RNF144A: variants seen among roughly 807,000 people sequenced by gnomAD.
RNF144A encodes the protein E3 ubiquitin-protein ligase RNF144A.
A neutral mutation model predicts 38.7 loss-of-function variants in RNF144A; 11 were observed. The ratio of observed to expected loss-of-function variants is 0.28; its 90% CI spans 0.18 to 0.47. The LOEUF (loss-of-function observed/expected upper bound fraction) is 0.47. Ranked by LOEUF, RNF144A falls within the 20% of genes least tolerant of loss-of-function variation. The pLI, the probability that RNF144A is intolerant of heterozygous loss-of-function variation, is 0.99. For synonymous variants in RNF144A, 149 were observed against 143.9 expected, an observed-to-expected ratio of 1.04 and a Z score of -0.25; for missense variants, 316 against 377.2, an observed-to-expected ratio of 0.84 and a Z score of 1.34.
Position 7,041,551 on chromosome 2 carries a change from G to C in RNF144A, c.*1791G>C. The C allele has an allele frequency of 1.0e-6, 1 of 986,122 alleles. No individual in the cohort carries two copies. The highest frequency in any genetic ancestry group is 1.2e-6 in the Non-Finnish European group (1 of 829,972). The allele number at this position is 986,122 out of a possible 1,614,324, so 61.1% of individuals were successfully genotyped here. On this transcript the variant is annotated 3_prime_UTR_variant, in exon 9 of 9. Transcript: ENST00000320892. ...GCTGTGGCTCTCTGTCGTTTGTGGTGCTGTGATGGTGTCTACTGTTAGAAT... is the reference window on the plus strand; with the variant it reads ...GCTGTGGCTCTCTGTCGTTTGTGGTCCTGTGATGGTGTCTACTGTTAGAAT...
At chr2:6,998,966 T>C (rs938962049) in intron 3 of RNF144A, among the ~76,000 whole-genome samples, 5 of 152,262 alleles carry the variant, frequency 3.3e-5, no homozygotes, top group African/African-American at 7.2e-5. Flanking sequence ...GCTTGTGTTC[T>C]TACCCTTGAA....
chr2:7,004,734 A>G (rs1174284765), intron 3 of RNF144A, among the ~76,000 whole-genome samples: 1 of 152,084 alleles, frequency 6.6e-6, no homozygotes, highest in Non-Finnish European at 1.5e-5. Flanking sequence ...ATCCTAAACT[A>G]CAGGACTTCG....
Position 7,020,671 on chromosome 2 carries a change from G to T in RNF144A, c.500G>T (p.Gly167Val). 1 of 1,602,786 alleles carries T rather than the reference G, an allele frequency of 6.2e-7. No individual in the cohort carries two copies. ...PETMPITFLP[G>V]ETSAAFKMEE... ...ACCATGCCGATCACCTTCCTCCCCGGGGAGACCAGGTACCCTTTGTACACA... is the reference window on the plus strand; with the variant it reads ...ACCATGCCGATCACCTTCCTCCCCGTGGAGACCAGGTACCCTTTGTACACA... Residue 167 changes from glycine (G) to valine (V), a missense_variant, in exon 6 of 9, where the codon GGG (glycine) becomes GTG (valine). Physicochemically the swap from Gly to Val is moderately radical, Grantham distance 109 (BLOSUM62 -3). Coordinates refer to ENST00000320892, the MANE Select transcript of RNF144A (RefSeq NM_014746.6).
intron 2 of RNF144A, among the ~76,000 whole-genome samples, chr2:6,955,639 T>G (rs988753221): frequency 2.0e-5 from 3 of 152,188 alleles, no homozygotes; most frequent in African/African-American, 7.2e-5. Flanking sequence ...GATGTTTTCC[T>G]TGGATGACCC....
intron 2 of RNF144A, among the ~76,000 whole-genome samples, chr2:6,955,980 G>C (rs560817774): frequency 1.3e-5 from 2 of 152,288 alleles, no homozygotes; most frequent in East Asian, 3.9e-4. Flanking sequence ...GCACACTTAA[G>C]TACTAGTTAA....
At chr2:6,994,248 T>C (rs1669577632) in intron 2 of RNF144A, among the ~76,000 whole-genome samples, 1 of 152,150 alleles carries the variant, frequency 6.6e-6, no homozygotes, top group African/African-American at 2.4e-5. Flanking sequence ...TACTGCCCCC[T>C]TGAAACTTTT....
intron 2 of RNF144A, among the ~76,000 whole-genome samples, chr2:6,982,906 G>GC (rs1357530978): frequency 6.6e-6 from 1 of 152,166 alleles, no homozygotes; most frequent in Non-Finnish European, 1.5e-5. Flanking sequence ...AATAGCTGAG[G>GC]CCCCGTGAAA....
At chr2:7,029,426 G>T (rs563295072) in intron 7 of RNF144A, among the ~76,000 whole-genome samples, 41 of 152,320 alleles carry the variant, frequency 2.7e-4, no homozygotes, top group African/African-American at 8.9e-4. Context: ...CCAGGAAATG[G>T]AGGTGGGGTG....
intron 1 of RNF144A, among the ~76,000 whole-genome samples, chr2:6,934,955 CAAA>C (rs1015396219): frequency 6.6e-6 from 1 of 151,608 alleles, no homozygotes; most frequent in African/African-American, 2.4e-5. Flanking sequence ...GGTCATCACT[CAAA>C]AAAAAGAAAA....
At chr2:6,994,271 G>A (rs1438756414) in intron 2 of RNF144A, among the ~76,000 whole-genome samples, 2 of 152,138 alleles carry the variant, frequency 1.3e-5, no homozygotes, top group African/African-American at 4.8e-5. Flanking sequence ...AGCCCTGACT[G>A]ATTTCTGCAG....
chr2:7,029,812 G>C lies in RNF144A; in HGVS notation c.658-314G>C, dbSNP rs534880061. Among the ~76,000 whole-genome samples the C allele has an allele frequency of 5.3e-5, 8 of 152,324 alleles. No homozygotes were observed. In the South Asian group the frequency reaches 1.0e-3, roughly 20 times the overall value. The stretch of plus-strand genomic sequence containing the variant: ...CCATGAGATCCCTTCTTTCCCACAA[G>C]CTCAGAAGCCAGCCACTGTGCAGGG... On this transcript the variant is annotated intron_variant, in intron 7 of 8. Transcript: ENST00000320892.
intron 1 of RNF144A, among the ~76,000 whole-genome samples, chr2:6,924,336 A>G (rs888830280): frequency 1.3e-5 from 2 of 152,274 alleles, no homozygotes; most frequent in Non-Finnish European, 2.9e-5. Flanking sequence ...CACGGGAAGC[A>G]TAGGACGTGG....
intron 1 of RNF144A, among the ~76,000 whole-genome samples, chr2:6,925,433 T>C (rs1572192557): frequency 6.6e-6 from 1 of 152,180 alleles, no homozygotes; most frequent in South Asian, 2.1e-4. Flanking sequence ...AGAAACCATC[T>C]GTGTTTCAGC....
chr2:6,938,428 A>T (rs1665741836), intron 1 of RNF144A, among the ~76,000 whole-genome samples: 1 of 151,738 alleles, frequency 6.6e-6, no homozygotes, highest in Admixed American at 6.6e-5. Context: ...TTGTATTTTT[A>T]GTAGAGATGG....
At chr2:7,045,036 G>A (rs576168763), downstream of RNF144A, among the ~76,000 whole-genome samples, 8 of 152,332 alleles carry the variant, frequency 5.3e-5, no homozygotes, top group East Asian at 9.6e-4. Context: ...CGGCCAGGCC[G>A]GAAGGTCAGG....
At position 7,039,988 on chromosome 2, in the gene RNF144A, G is replaced by A. The variant is rs1004956366; in HGVS notation, c.*228G>A. 14 of 1,323,316 alleles carry A rather than the reference G, an allele frequency of 1.1e-5. No homozygotes were observed. The highest frequency in any genetic ancestry group is 1.3e-5 in the Non-Finnish European group (13 of 1,033,914). 82.0% of individuals were successfully genotyped at this position (1,323,316 alleles called of 1,614,324 possible). ...GGTGTGGGTAGCGCACATCCCCACA[G>A]ATCAATCTCTGCAGATGACAGGGAG... is the stretch of plus-strand genomic sequence containing the variant. On this transcript the variant is annotated 3_prime_UTR_variant, in exon 9 of 9. Transcript: ENST00000320892.
chr2:7,031,089 T>C (rs1046671251), intron 8 of RNF144A, among the ~76,000 whole-genome samples: 1 of 152,100 alleles, frequency 6.6e-6, no homozygotes, highest in African/African-American at 2.4e-5. Flanking sequence ...GCTCGTTTGC[T>C]TCCCCCACCC....
At chr2:6,938,107 A>G (rs1013412603) in intron 1 of RNF144A, among the ~76,000 whole-genome samples, 13 of 152,194 alleles carry the variant, frequency 8.5e-5, no homozygotes, top group Non-Finnish European at 1.3e-4. Context: ...GTTTACATGT[A>G]GTGTTGCAGT....
chr2:6,938,448 A>C (rs1457080595), intron 1 of RNF144A, among the ~76,000 whole-genome samples: 1 of 151,674 alleles, frequency 6.6e-6, no homozygotes, highest in Non-Finnish European at 1.5e-5. Context: ...GGATTTCACC[A>C]TGTTGGCCAG....
Sources: allele counts gnomAD v4.1 joint callset (sites outside exome capture counted in the v4.1 genomes callset), GRCh38; gene constraint gnomAD v4.1.1; transcripts MANE v1.5; gene names NCBI Gene and HGNC (gene_info 2026-07-23, HGNC 2026-07-21).